Variants in PAG1 observed in about 807,000 individuals in gnomAD.
PAG1 encodes phosphoprotein associated with glycosphingolipid-enriched microdomains 1.
Under a neutral mutation model 31.7 loss-of-function variants are expected in PAG1, and 23 were observed. That is an observed-to-expected ratio of 0.73 (90% CI 0.52 to 1.03). The LOEUF (loss-of-function observed/expected upper bound fraction) is 1.03. Ranked by LOEUF, PAG1 falls within the 50% of genes least tolerant of loss-of-function variation. The pLI, the probability that PAG1 is intolerant of heterozygous loss-of-function variation, is 0.00. For missense variants in PAG1, 473 were observed against 540.7 expected, an observed-to-expected ratio of 0.87 and a Z score of 1.24; for synonymous variants, 214 against 210.3, an observed-to-expected ratio of 1.02 and a Z score of -0.15.
intron 2 of PAG1, among the ~76,000 whole-genome samples, chr8:81,043,666 T>C (rs1808592460): frequency 6.6e-6 from 1 of 152,246 alleles, no homozygotes; most frequent in Non-Finnish European, 1.5e-5. Flanking sequence ...TGATTAGTCC[T>C]GCATATATAT....
At chr8:81,104,043 C>A (rs1419665820) in intron 1 of PAG1, among the ~76,000 whole-genome samples, 1 of 151,936 alleles carries the variant, frequency 6.6e-6, no homozygotes, top group East Asian at 1.9e-4. Flanking sequence ...TTCTTGAGAT[C>A]GAAATTCATG....
intron 1 of PAG1, among the ~76,000 whole-genome samples, chr8:81,101,425 C>T (rs1809608333): frequency 6.6e-6 from 1 of 152,040 alleles, no homozygotes; most frequent in African/African-American, 2.4e-5. Context: ...TCTTATTTAG[C>T]AAAACAAAGG....
In PAG1 at chr8:80,990,148, C is replaced by T. The variant is rs760561678; in HGVS notation, c.177+1331G>A. 1.3e-5 allele frequency among the ~76,000 whole-genome samples: 2 copies of T among 151,028 alleles called. No individual in the cohort carries two copies. Among genetic ancestry groups the T allele is most frequent in the Admixed American group, 1.3e-4 (2 of 15,174 alleles). ...TGGACAACCAGGGATGGGAACAGGGCGAGAAACAGAGTAAAGGGAGGAGTG... is the reference window on the plus strand; with the variant it reads ...TGGACAACCAGGGATGGGAACAGGGTGAGAAACAGAGTAAAGGGAGGAGTG... On this transcript the variant is annotated intron_variant, in intron 5 of 8. Transcript: ENST00000220597. The surrounding 1 kb of genome is among the most constrained non-coding windows in gnomAD (Gnocchi z 5.1).
intron 1 of PAG1, among the ~76,000 whole-genome samples, chr8:81,080,623 T>C (rs902352893): frequency 7.2e-5 from 11 of 152,160 alleles, no homozygotes; most frequent in African/African-American, 2.7e-4. Context: ...TTGAGAGAAT[T>C]TGAGAATGTA....
At chr8:80,998,305 T>C (rs1807722850) in intron 3 of PAG1, among the ~76,000 whole-genome samples, 1 of 152,044 alleles carries the variant, frequency 6.6e-6, no homozygotes, top group Non-Finnish European at 1.5e-5. Context: ...AATTTTTGTA[T>C]TTTTAGTAGA....
chr8:81,025,486 A>G (rs1808259621), intron 3 of PAG1, among the ~76,000 whole-genome samples: 1 of 152,166 alleles, frequency 6.6e-6, no homozygotes, highest in Non-Finnish European at 1.5e-5. Context: ...AACTGTCTAA[A>G]TCCCCATGGC....
intron 3 of PAG1, among the ~76,000 whole-genome samples, chr8:81,003,990 C>T (rs1807831782): frequency 6.6e-6 from 1 of 152,190 alleles, no homozygotes; most frequent in South Asian, 2.1e-4. Context: ...ACACCATTTG[C>T]ACTCTGGCAA....
intron 1 of PAG1, among the ~76,000 whole-genome samples, chr8:81,095,497 T>C (rs1339636623): frequency 6.6e-6 from 1 of 152,216 alleles, no homozygotes; most frequent in Non-Finnish European, 1.5e-5. Context: ...TCTCAATTCA[T>C]GCAAACCCTG....
chr8:81,097,606 C>T (rs1283535824), intron 1 of PAG1, among the ~76,000 whole-genome samples: 2 of 151,472 alleles, frequency 1.3e-5, no homozygotes, highest in Admixed American at 6.6e-5. Context: ...GTAGGAAAGG[C>T]GAGGTTCGTA....
At position 81,084,311 on chromosome 8, in the gene PAG1, C is replaced by T. The variant is rs1809317360; in HGVS notation, c.-233-14141G>A. Among the ~76,000 whole-genome samples the T allele has an allele frequency of 2.0e-5, 3 of 152,092 alleles. No homozygotes were observed. In the South Asian group the frequency reaches 6.2e-4, roughly 32 times the overall value. ...TCATTTTGAGGTTAAAAATTAGAAA[C>T]CTCATTAAGTAAGGACATTGCATTT... On this transcript the variant is annotated intron_variant, in intron 1 of 8. Transcript: ENST00000220597.
At chr8:81,095,810 C>T (rs1336300230) in intron 1 of PAG1, among the ~76,000 whole-genome samples, 1 of 152,214 alleles carries the variant, frequency 6.6e-6, no homozygotes, top group Non-Finnish European at 1.5e-5. Context: ...GCAAGGTTCT[C>T]ACACTATATG....
chr8:81,047,988 T>G (rs1808669864), intron 2 of PAG1, among the ~76,000 whole-genome samples: 1 of 152,246 alleles, frequency 6.6e-6, no homozygotes, highest in Non-Finnish European at 1.5e-5. Flanking sequence ...AGTACTCAAA[T>G]GCACCATTTC....
intron 1 of PAG1, among the ~76,000 whole-genome samples, chr8:81,071,571 A>C (rs1379720641): frequency 2.0e-5 from 3 of 152,224 alleles, no homozygotes; most frequent in Non-Finnish European, 4.4e-5. Flanking sequence ...GTATTTGGGA[A>C]TAGTACTTGT....
chr8:81,042,850 GCTGTATACA>G (rs949709792), intron 2 of PAG1, among the ~76,000 whole-genome samples: 6 of 152,014 alleles, frequency 3.9e-5, no homozygotes, highest in Admixed American at 3.9e-4. Context: ...TGTTTTGGTG[GCTGTATACA>G]CTCTTTAGCA....
At chr8:80,985,423 A>G (rs1807398616) in intron 6 of PAG1, 46 bp from the exon 7 acceptor site, 3 of 1,545,236 alleles carry the variant, frequency 1.9e-6, no homozygotes, top group Non-Finnish European at 2.6e-6. Context: ...AAGTCTTTCA[A>G]TAATTATTAC....
chr8:81,037,671 T>A (rs1250248766), intron 2 of PAG1, among the ~76,000 whole-genome samples: 1 of 152,246 alleles, frequency 6.6e-6, no homozygotes, highest in Non-Finnish European at 1.5e-5. Context: ...CCTCTAATTA[T>A]TAGCTTATAA....
At chr8:81,042,220 T>C (rs540574787) in intron 2 of PAG1, among the ~76,000 whole-genome samples, 12 of 152,196 alleles carry the variant, frequency 7.9e-5, no homozygotes, top group Admixed American at 2.0e-4. Flanking sequence ...AAACAGAGTC[T>C]ATGCCTCACC....
chr8:80,999,948 C>T (rs925858594), intron 3 of PAG1, among the ~76,000 whole-genome samples: 2 of 152,126 alleles, frequency 1.3e-5, no homozygotes, highest in Non-Finnish European at 2.9e-5. Flanking sequence ...AGGGCATGGT[C>T]TTTCTAGAAG....
chr8:81,042,914 T>C (rs1306985081), intron 2 of PAG1, among the ~76,000 whole-genome samples: 3 of 152,168 alleles, frequency 2.0e-5, no homozygotes, highest in Admixed American at 2.0e-4. Context: ...CTGGCTCTCA[T>C]CTCACGGCAC....
Sources: gnomAD v4.1 joint callset for allele counts (sites outside exome capture counted in the v4.1 genomes callset) on GRCh38, gnomAD v4.1.1 for gene constraint, Gnocchi (gnomAD v3.1) non-coding constraint, MANE v1.5 for transcripts, NCBI Gene and HGNC (gene_info 2026-07-23, HGNC 2026-07-21) for gene names.